NEGR1: variants seen among roughly 807,000 people sequenced by gnomAD.
NEGR1 encodes IgLON family member 4.
A neutral mutation model predicts 40.9 loss-of-function variants in NEGR1; 10 were observed. The observed-to-expected ratio is 0.24, with a 90% CI of 0.15 to 0.42. The LOEUF (loss-of-function observed/expected upper bound fraction) is 0.42, where lower values mean the gene tolerates loss of function less well. NEGR1 is among the 10% of genes least tolerant of loss of function. NEGR1 has a pLI of 1.00. For missense variants in NEGR1, 352 were observed against 438.9 expected, an observed-to-expected ratio of 0.80 and a Z score of 1.77; for synonymous variants, 185 against 166.8, an observed-to-expected ratio of 1.11 and a Z score of -0.84.
chr1:72,071,782 A>G (rs947275883), intron 1 of NEGR1, among the ~76,000 whole-genome samples: 3 of 152,046 alleles, frequency 2.0e-5, no homozygotes, highest in Admixed American at 2.0e-4. Flanking sequence ...TGGAAACCCT[A>G]ACCTTTTTTC....
At chr1:72,162,236 G>A (rs1267632776) in intron 1 of NEGR1, among the ~76,000 whole-genome samples, 1 of 151,672 alleles carries the variant, frequency 6.6e-6, no homozygotes, top group East Asian at 2.0e-4. Context: ...TGGATCACCT[G>A]AGGTCAGGAG....
At chr1:71,465,741 A>G (rs1646741448) in intron 6 of NEGR1, among the ~76,000 whole-genome samples, 1 of 152,056 alleles carries the variant, frequency 6.6e-6, no homozygotes, top group South Asian at 2.1e-4. Context: ...AATAAATAGA[A>G]TATGCACAAA....
chr1:72,020,357 A>C (rs1325969777), intron 1 of NEGR1, among the ~76,000 whole-genome samples: 1 of 152,188 alleles, frequency 6.6e-6, no homozygotes, highest in East Asian at 1.9e-4. Context: ...GGAAAGATCC[A>C]AAGACTTATC....
intron 2 of NEGR1, among the ~76,000 whole-genome samples, chr1:71,860,232 GT>G (rs1325328019): frequency 1.3e-5 from 2 of 151,816 alleles, no homozygotes; most frequent in East Asian, 3.9e-4. Context: ...CAAAGGGGGA[GT>G]TTGTAAGAGA....
intron 1 of NEGR1, among the ~76,000 whole-genome samples, chr1:72,182,677 T>A (rs1652426632): frequency 6.6e-6 from 1 of 151,840 alleles, no homozygotes; most frequent in Non-Finnish European, 1.5e-5. Flanking sequence ...TGAAAGACAT[T>A]TTGAAATAAC....
chr1:71,645,547 A>T (rs545000079), intron 4 of NEGR1, among the ~76,000 whole-genome samples: 7 of 151,882 alleles, frequency 4.6e-5, no homozygotes, highest in African/African-American at 1.4e-4. Flanking sequence ...TCTCTCAATA[A>T]TTATTTTTAT....
At chr1:71,841,211 A>T (rs1431829552) in intron 2 of NEGR1, among the ~76,000 whole-genome samples, 2 of 152,184 alleles carry the variant, frequency 1.3e-5, no homozygotes, top group Non-Finnish European at 2.9e-5. Context: ...AGGATAATAT[A>T]AAACATGAAT....
chr1:72,210,681 G>A (rs1036000845), intron 1 of NEGR1, among the ~76,000 whole-genome samples: 1 of 151,852 alleles, frequency 6.6e-6, no homozygotes, highest in Admixed American at 6.6e-5. Context: ...AATATGTGTG[G>A]TGATACTAAG....
At chr1:71,919,185 A>T (rs981108926) in intron 2 of NEGR1, among the ~76,000 whole-genome samples, 6 of 152,104 alleles carry the variant, frequency 3.9e-5, no homozygotes, top group Non-Finnish European at 2.9e-5. Context: ...CTCTTTCTCA[A>T]GTGTTTACAT....
chr1:72,139,870 C>T (rs1230123557), intron 1 of NEGR1, among the ~76,000 whole-genome samples: 1 of 151,982 alleles, frequency 6.6e-6, no homozygotes, highest in African/African-American at 2.4e-5. Context: ...TGTGCTATTT[C>T]TTCTCTGTTT....
intron 3 of NEGR1, among the ~76,000 whole-genome samples, chr1:71,723,163 T>A (rs917701005): frequency 1.3e-5 from 2 of 152,150 alleles, no homozygotes; most frequent in East Asian, 3.9e-4. Flanking sequence ...TTGTGATTGC[T>A]GTTGTTTTAA....
intron 1 of NEGR1, among the ~76,000 whole-genome samples, chr1:71,938,585 G>A (rs1645931641): frequency 2.0e-5 from 3 of 152,028 alleles, no homozygotes; most frequent in African/African-American, 7.2e-5. Flanking sequence ...AAGGAGGGAA[G>A]CTATGTAGGG....
intron 1 of NEGR1, among the ~76,000 whole-genome samples, chr1:72,212,064 A>G (rs968354549): frequency 7.2e-5 from 11 of 151,976 alleles, no homozygotes; most frequent in Non-Finnish European, 1.5e-4. Context: ...TGCTCATGAT[A>G]GATGTGTTCT....
chr1:72,101,834 A>G (rs920194653), intron 1 of NEGR1, among the ~76,000 whole-genome samples: 2 of 152,136 alleles, frequency 1.3e-5, no homozygotes, highest in Non-Finnish European at 2.9e-5. Flanking sequence ...TGAATGCTAG[A>G]AGTCAAATTA....
At chr1:71,746,850 C>T (rs1655403575) in intron 3 of NEGR1, among the ~76,000 whole-genome samples, 1 of 152,128 alleles carries the variant, frequency 6.6e-6, no homozygotes, top group Non-Finnish European at 1.5e-5. Flanking sequence ...TTCCAGTTCC[C>T]TTTTAATTGC....
chr1:72,202,747 T>A (rs912787949), intron 1 of NEGR1, among the ~76,000 whole-genome samples: 1 of 151,948 alleles, frequency 6.6e-6, no homozygotes, highest in African/African-American at 2.4e-5. Context: ...CAACAAAGCT[T>A]CAAAGGACAG....
At chr1:71,778,013 A>T (rs570681579) in intron 2 of NEGR1, among the ~76,000 whole-genome samples, 20 of 152,220 alleles carry the variant, frequency 1.3e-4, no homozygotes, top group African/African-American at 4.8e-4. Context: ...AAAACATTAA[A>T]TTACCCTAGA....
At chr1:72,206,775 T>C (rs979733798) in intron 1 of NEGR1, among the ~76,000 whole-genome samples, 3 of 152,062 alleles carry the variant, frequency 2.0e-5, no homozygotes, top group Non-Finnish European at 4.4e-5. Flanking sequence ...AGGTGAACTC[T>C]AAAATAGCTA....
chr1:71,498,408 T>A (rs923113226), intron 6 of NEGR1, among the ~76,000 whole-genome samples: 3 of 152,016 alleles, frequency 2.0e-5, no homozygotes, highest in Non-Finnish European at 4.4e-5. Context: ...AGAGCAGATG[T>A]TGTGCTTTTC....
Sources: allele counts gnomAD v4.1 joint callset (sites outside exome capture counted in the v4.1 genomes callset), GRCh38; gene constraint gnomAD v4.1.1; transcripts MANE v1.5; gene names NCBI Gene and HGNC (gene_info 2026-07-23, HGNC 2026-07-21).